The following REXO5 variants were observed in gnomAD, a reference collection of about 807,000 sequenced individuals.
REXO5 encodes RNA exonuclease 5, also known as exonuclease NEF-sp.
REXO5 carries 48 observed loss-of-function variants against 88.5 expected under a neutral mutation model. The ratio of observed to expected loss-of-function variants is 0.54; its 90% CI spans 0.43 to 0.69. The LOEUF (loss-of-function observed/expected upper bound fraction) is 0.69, where lower values mean the gene tolerates loss of function less well. REXO5 is among the 30% of genes least tolerant of loss of function. REXO5 has a pLI of 0.00. For synonymous variants in REXO5, 311 were observed against 336.5 expected (o/e 0.92, Z 0.83); for missense variants, 749 against 912.2 (o/e 0.82, Z 2.30).
At position 20,825,876 on chromosome 16, in the gene REXO5, T is replaced by C; in HGVS notation, c.749T>C (p.Val250Ala). The change falls in exon 8 of 20, where the codon GTT becomes GCT. Residue 250 changes from valine (V) to alanine (A), a missense_variant. Transcript: ENST00000261377. ...AGAGAGCTAACACGCATCTCACTGG[T>C]TGCTGAAGGAGGCTGCTGTGTTATG... Reference protein sequence around the residue: ...KGRELTRISLVAEGGCCVMDE... With the variant: ...KGRELTRISLAAEGGCCVMDE... 1 of 1,614,142 alleles carries C rather than the reference T, an allele frequency of 6.2e-7. No individual in the cohort carries two copies. Among genetic ancestry groups the C allele is most frequent in the Non-Finnish European group, 8.5e-7 (1 of 1,180,006 alleles).
chr16:20,834,636 T>C (rs993881205), intron 13 of REXO5, among the ~76,000 whole-genome samples: 1 of 152,224 alleles, frequency 6.6e-6, no homozygotes, highest in African/African-American at 2.4e-5. Flanking sequence ...TGATGTGCTG[T>C]TCATGTTTTT....
chr16:20,845,138 C>G lies in REXO5; in HGVS notation c.2021C>G (p.Thr674Ser), dbSNP rs2081587102. The change falls in exon 18 of 20, where the codon ACC becomes AGC. Residue 674 changes from threonine (T) to serine (S), a missense_variant. By Grantham distance (58) the Thr-to-Ser change is moderately conservative (BLOSUM62 1). Coordinates refer to ENST00000261377, the MANE Select transcript of REXO5 (RefSeq NM_030941.3). ...DWKLKGRHAL[T>S]PRHLHAWLRG... Reference sequence around the variant, plus strand: ...AAGCTGAAAGGCAGGCATGCCCTAACCCCCAGGCACCTCCATGCCTGGCTC... The same window carrying G: ...AAGCTGAAAGGCAGGCATGCCCTAAGCCCCAGGCACCTCCATGCCTGGCTC... 1 of 1,614,140 alleles carries G rather than the reference C, an allele frequency of 6.2e-7. No homozygotes were observed. Among genetic ancestry groups the G allele is most frequent in the South Asian group, 1.1e-5 (1 of 91,082 alleles).
At chr16:20,849,067 C>T (rs1189839508) in intron 19 of REXO5, among the ~76,000 whole-genome samples, 1 of 152,236 alleles carries the variant, frequency 6.6e-6, no homozygotes, top group African/African-American at 2.4e-5. Context: ...CTTAGAACAA[C>T]TCTTGGCATG....
chr16:20,822,478 TTAAG>T (rs1418325824), intron 6 of REXO5, among the ~76,000 whole-genome samples: 4 of 152,236 alleles, frequency 2.6e-5, no homozygotes, highest in Non-Finnish European at 5.9e-5. Flanking sequence ...AAAGTTACAA[TTAAG>T]TATTTTTTAC....
intron 15 of REXO5, among the ~76,000 whole-genome samples, chr16:20,841,923 A>C (rs542875233): frequency 6.6e-6 from 1 of 152,194 alleles, no homozygotes; most frequent in African/African-American, 2.4e-5. Flanking sequence ...TGGCTTTTCT[A>C]TGACTAAAAA....
intron 2 of REXO5, among the ~76,000 whole-genome samples, chr16:20,811,715 A>G (rs902688072): frequency 1.3e-5 from 2 of 152,236 alleles, no homozygotes; most frequent in Non-Finnish European, 2.9e-5. Context: ...TAAATGATTT[A>G]ATGCATGTAA....
At chr16:20,830,715 T>TG (rs1221408447) in intron 11 of REXO5, among the ~76,000 whole-genome samples, 1 of 152,192 alleles carries the variant, frequency 6.6e-6, no homozygotes, top group East Asian at 1.9e-4. Context: ...AGTATGGTAA[T>TG]GCAGAGAGTT....
chr16:20,830,232 G>T (rs1342697261), intron 11 of REXO5, among the ~76,000 whole-genome samples: 1 of 152,012 alleles, frequency 6.6e-6, no homozygotes, highest in Non-Finnish European at 1.5e-5. Flanking sequence ...TGTTTCCCAG[G>T]CTGGAGTGCA....
chr16:20,840,284 T>C, intron 14 of REXO5, 47 bp from the exon 15 acceptor site: 1 of 1,439,732 alleles, frequency 6.9e-7, no homozygotes, highest in South Asian at 1.6e-5. Context: ...ATTTCAGTTC[T>C]CTTTCCATAT....
At chr16:20,848,807 T>G (rs2081649973) in intron 19 of REXO5, among the ~76,000 whole-genome samples, 1 of 152,240 alleles carries the variant, frequency 6.6e-6, no homozygotes, top group South Asian at 2.1e-4. Context: ...GTTTTGTAAC[T>G]TTTTTAAACA....
Position 20,809,187 on chromosome 16 carries a change from A to G in REXO5, c.138+2096A>G, listed in dbSNP as rs1482462935. Among the ~76,000 whole-genome samples, 6 of 152,362 alleles carry G rather than the reference A, an allele frequency of 3.9e-5. No homozygotes were observed. The East Asian group carries it at 1.2e-3, about 29-fold the overall frequency. On this transcript the variant is annotated intron_variant, in intron 2 of 19. Coordinates refer to ENST00000261377, the MANE Select transcript of REXO5 (RefSeq NM_030941.3). ...TTAGAAAAGTTGTAAGAATAGTATCAAAACCTCCCCTCAACCAACATTTGA... is the reference window on the plus strand; with the variant it reads ...TTAGAAAAGTTGTAAGAATAGTATCGAAACCTCCCCTCAACCAACATTTGA...
At position 20,806,585 on chromosome 16, in the gene REXO5, C is replaced by A. The variant is rs2080880181; in HGVS notation, c.-123C>A. 6 of 1,453,986 alleles carry A rather than the reference C, an allele frequency of 4.1e-6. No homozygotes were observed. The highest frequency in any genetic ancestry group is 5.4e-6 in the Non-Finnish European group (6 of 1,101,762). The allele number at this position is 1,453,986 out of a possible 1,614,324, so 90.1% of individuals were successfully genotyped here. A position where few individuals can be genotyped will look rare whatever the true frequency, so the allele number is the denominator to read the frequency against. ...CTCTGCTCCCCGCCCGTCTTCTCTTCTGCGTTTCCCGGGCTAGGGGGCGTG... is the reference window on the plus strand; with the variant it reads ...CTCTGCTCCCCGCCCGTCTTCTCTTATGCGTTTCCCGGGCTAGGGGGCGTG... On this transcript the variant is annotated 5_prime_UTR_variant, in exon 1 of 20. In the 5' UTR this introduces an upstream ATG that the reference lacks. Coordinates refer to ENST00000261377, the MANE Select transcript of REXO5 (RefSeq NM_030941.3).
At position 20,845,118 on chromosome 16, in the gene REXO5, G is replaced by A; in HGVS notation, c.2001G>A (p.Leu667=). The part of the protein sequence containing the change: ...LNILTGKDWK[L]KGRHALTPRH... ...TTCTCACAGGCAAGGACTGGAAGCT[G>A]AAAGGCAGGCATGCCCTAACCCCCA... The change falls in exon 18 of 20, where the codon CTG becomes CTA. Residue 667 remains leucine (L), a synonymous_variant. Coordinates refer to ENST00000261377, the MANE Select transcript of REXO5 (RefSeq NM_030941.3). The A allele has an allele frequency of 1.2e-6, 2 of 1,614,130 alleles. No homozygotes were observed. Among genetic ancestry groups the A allele is most frequent in the Non-Finnish European group, 1.7e-6 (2 of 1,180,018 alleles).
rs1266345935 is a variant in REXO5 at position 20,807,203 on chromosome 16, T to G, written c.138+112T>G. The G allele has an allele frequency of 3.3e-6, 4 of 1,215,580 alleles. No homozygotes were observed. In the East Asian group the frequency reaches 1.0e-4, roughly 31 times the overall value. The allele number at this position is 1,215,580 out of a possible 1,614,324, so 75.3% of individuals were successfully genotyped here. A position where few individuals can be genotyped will look rare whatever the true frequency, so the allele number is the denominator to read the frequency against. On this transcript the variant is annotated intron_variant, in intron 2 of 19. Coordinates refer to ENST00000261377, the MANE Select transcript of REXO5 (RefSeq NM_030941.3). ...CGGGCGGGCTCTCCGCCCTGGCCTC[T>G]CCGAACCTGATCCCTGATCATTAAA...
intron 11 of REXO5, among the ~76,000 whole-genome samples, chr16:20,831,673 G>A (rs1231596497): frequency 6.6e-6 from 1 of 152,004 alleles, no homozygotes. Flanking sequence ...CCCACTTTAC[G>A]GAAGGAGAAG....
At position 20,845,234 on chromosome 16, in the gene REXO5, C is replaced by A; in HGVS notation, c.2117C>A (p.Ala706Asp). The A allele has an allele frequency of 6.2e-7, 1 of 1,612,348 alleles. No individual in the cohort carries two copies. The highest frequency in any genetic ancestry group is 1.1e-5 in the South Asian group (1 of 90,746). Reference protein sequence around the residue: ...RVVPPPFEQEALQTLKLDHPK... With the variant: ...RVVPPPFEQEDLQTLKLDHPK... The stretch of plus-strand genomic sequence containing the variant: ...GTACCTCCCCCCTTTGAACAGGAGG[C>A]CTTGCAGGTGAGTGAGTGAAGGCGT... The change falls in exon 18 of 20, where the codon GCC becomes GAC. Residue 706 changes from alanine to aspartate, a missense_variant. By Grantham distance (126) the Ala-to-Asp change is moderately radical (BLOSUM62 -2). Transcript: ENST00000261377.
At chr16:20,816,278 GT>G in intron 5 of REXO5, 66 bp downstream of exon 5, 1 of 1,335,410 alleles carries the variant, frequency 7.5e-7, no homozygotes, top group Non-Finnish European at 1.0e-6. Flanking sequence ...TTGTAAGTAG[GT>G]TTAGCACAAC....
intron 12 of REXO5, 24 bp from the exon 13 acceptor site, chr16:20,832,979 C>T (rs1282815270): frequency 2.5e-6 from 4 of 1,601,088 alleles, no homozygotes; most frequent in Non-Finnish European, 1.7e-6. Context: ...TTGTTCTTAC[C>T]TTAACTCTTC....
intron 8 of REXO5, among the ~76,000 whole-genome samples, chr16:20,826,762 T>C (rs2081265646): frequency 6.6e-6 from 1 of 152,224 alleles, no homozygotes; most frequent in African/African-American, 2.4e-5. Flanking sequence ...TATGACATAT[T>C]ATAAATGATA....
Sources: gnomAD v4.1 joint callset for allele counts (sites outside exome capture counted in the v4.1 genomes callset) on GRCh38, gnomAD v4.1.1 for gene constraint, MANE v1.5 for transcripts, NCBI Gene and HGNC (gene_info 2026-07-23, HGNC 2026-07-21) for gene names.